Variants in PHACTR2 observed in about 807,000 individuals in gnomAD.
PHACTR2 encodes the protein chromosome 6 open reading frame 56.
Under a neutral mutation model 76.0 loss-of-function variants are expected in PHACTR2, and 30 were observed. That is an observed-to-expected ratio of 0.39 (90% CI 0.30 to 0.54). The LOEUF (loss-of-function observed/expected upper bound fraction) is 0.54, where lower values mean the gene tolerates loss of function less well. Among genes scored for constraint, PHACTR2 ranks in the 20% least tolerant of loss-of-function variants. The pLI is 0.61. For missense variants in PHACTR2, 696 were observed against 781.1 expected, an observed-to-expected ratio of 0.89 and a Z score of 1.30; for synonymous variants, 292 against 292.5, an observed-to-expected ratio of 1.00 and a Z score of 0.02.
chr6:143,714,002 T>C lies in PHACTR2; in HGVS notation c.214+1819T>C, dbSNP rs150779565. On this transcript the variant is annotated intron_variant, in intron 2 of 12. Transcript: ENST00000440869. ...TCATATCTAGAGGAAAACTGATATA[T>C]TCAGTTGGTGCAAAAGTAGTTGCGA... Among the ~76,000 whole-genome samples, 263 of 152,344 alleles carry C rather than the reference T, an allele frequency of 1.7e-3. 1 individual carries two copies. The highest frequency in any genetic ancestry group is 3.0e-3 in the Non-Finnish European group (202 of 68,032).
In PHACTR2 at chr6:143,790,775, G is replaced by A. The variant is rs149515695; in HGVS notation, c.1845+1865G>A. Among the ~76,000 whole-genome samples, 313 of 151,000 alleles carry A rather than the reference G, an allele frequency of 2.1e-3. 2 individuals are homozygous for A. The highest frequency in any genetic ancestry group is 7.3e-3 in the African/African-American group (301 of 41,112). On this transcript the variant is annotated intron_variant, in intron 11 of 12. Transcript: ENST00000440869. ...TGCAAGCTCCACCTCCTGTGTTCAC[G>A]CCATTCTCCTGCTTCAGCCTCCCGA...
intron 1 of PHACTR2, among the ~76,000 whole-genome samples, chr6:143,687,936 A>G (rs1777558791): frequency 6.6e-6 from 1 of 152,200 alleles, no homozygotes; most frequent in African/African-American, 2.4e-5. Flanking sequence ...GTAAGGTGTT[A>G]TGCTAAGCAA....
chr6:143,820,389 T>C lies in PHACTR2; in HGVS notation c.1923-3285T>C, dbSNP rs956456223. On this transcript the variant is annotated intron_variant, in intron 12 of 12. Coordinates refer to ENST00000440869, the MANE Select transcript of PHACTR2 (RefSeq NM_001100164.2). This position sits in a 1 kb window ranked among gnomAD's most constrained non-coding sequence, Gnocchi z 4.2. ...CCTGTAAAATAAAAAACAAGTAAGT[T>C]ATTTCCAAGATATGGTGGAGATCTA... Among the ~76,000 whole-genome samples, 2 of 152,164 alleles carry C rather than the reference T, an allele frequency of 1.3e-5. No homozygotes were observed. Among genetic ancestry groups the C allele is most frequent in the East Asian group, 3.8e-4 (2 of 5,198 alleles).
At position 143,777,412 on chromosome 6, in the gene PHACTR2, CT is replaced by C. The variant is rs1485568922; in HGVS notation, c.1645+31del. The C allele has an allele frequency of 8.0e-7, 1 of 1,247,036 alleles. No individual in the cohort carries two copies. The highest frequency in any genetic ancestry group is 2.4e-5 in the East Asian group (1 of 41,126). 77.2% of individuals were successfully genotyped at this position (1,247,036 alleles called of 1,614,324 possible). On this transcript the variant is annotated intron_variant, in intron 9 of 12. Transcript: ENST00000440869. The surrounding 1 kb of genome is among the most constrained non-coding windows in gnomAD (Gnocchi z 4.6). Reference sequence around the variant, plus strand: ...AGTATTCTATACTATAGAATGATTCCTTGTGTAATCGCTAACAAGCTGCCTC... The same window carrying C: ...AGTATTCTATACTATAGAATGATTCCTGTGTAATCGCTAACAAGCTGCCTC...
intron 1 of PHACTR2, among the ~76,000 whole-genome samples, chr6:143,586,323 T>C (rs1208469116): frequency 4.6e-5 from 7 of 152,272 alleles, no homozygotes; most frequent in African/African-American, 1.7e-4. Context: ...CAATGAAAGA[T>C]GATACCAACA....
In PHACTR2 at chr6:143,580,928, G is replaced by C. The variant is rs956682382; in HGVS notation, c.217+43721G>C. Among the ~76,000 whole-genome samples, 3 of 152,168 alleles carry C rather than the reference G, an allele frequency of 2.0e-5. No individual in the cohort carries two copies. The highest frequency in any genetic ancestry group is 2.0e-4 in the Admixed American group (3 of 15,272). On this transcript the variant is annotated intron_variant, in intron 1 of 11. Coordinates refer to the PHACTR2 transcript ENST00000367584. This position sits in a 1 kb window ranked among gnomAD's most constrained non-coding sequence, Gnocchi z 4.2. ...AGGGTGGGAGAGAGAGTGACACCAG[G>C]TGTTGAAATTACAGAAGGGACCATT...
chr6:143,694,923 T>C (rs1428376252), intron 1 of PHACTR2, among the ~76,000 whole-genome samples: 1 of 152,218 alleles, frequency 6.6e-6, no homozygotes, highest in Non-Finnish European at 1.5e-5. Flanking sequence ...ACTGCTTATC[T>C]TGTCAACGTG....
At chr6:143,586,903 A>G (rs1310816437) in intron 1 of PHACTR2, among the ~76,000 whole-genome samples, 8 of 152,126 alleles carry the variant, frequency 5.3e-5, no homozygotes, top group African/African-American at 1.9e-4. Flanking sequence ...CTACCTCATT[A>G]TGTTGTCCAA....
At chr6:143,645,537 C>G (rs563693185) in intron 1 of PHACTR2, among the ~76,000 whole-genome samples, 1 of 152,230 alleles carries the variant, frequency 6.6e-6, no homozygotes, top group South Asian at 2.1e-4. Context: ...CCAGCATTCC[C>G]AAGCTAAAAG....
chr6:143,745,717 C>A (rs1779045232), intron 2 of PHACTR2, among the ~76,000 whole-genome samples: 1 of 125,134 alleles, frequency 8.0e-6, no homozygotes, highest in African/African-American at 2.6e-5. Context: ...GCTCGGTCGC[C>A]TGCAGTTTGT....
chr6:143,794,101 A>T lies in PHACTR2; in HGVS notation c.1845+5191A>T, dbSNP rs1309361455. The stretch of plus-strand genomic sequence containing the variant: ...ACTTTAATGCACGGTACTTTTAATA[A>T]TTTCTAAAAATACCATTTACTACCT... On this transcript the variant is annotated intron_variant, in intron 11 of 12. Coordinates refer to ENST00000440869, the MANE Select transcript of PHACTR2 (RefSeq NM_001100164.2). This position sits in a 1 kb window ranked among gnomAD's most constrained non-coding sequence, Gnocchi z 4.1. Among the ~76,000 whole-genome samples, 1 of 151,894 alleles carries T rather than the reference A, an allele frequency of 6.6e-6. No individual in the cohort carries two copies. Among genetic ancestry groups the T allele is most frequent in the Non-Finnish European group, 1.5e-5 (1 of 67,968 alleles).
chr6:143,779,258 G>C (rs1224182737), intron 9 of PHACTR2, among the ~76,000 whole-genome samples: 1 of 151,762 alleles, frequency 6.6e-6, no homozygotes. Flanking sequence ...TCGTTTGTTT[G>C]TATGTTTCAT....
chr6:143,786,690 T>C (rs1775563790), intron 10 of PHACTR2, among the ~76,000 whole-genome samples: 1 of 152,224 alleles, frequency 6.6e-6, no homozygotes. Flanking sequence ...AAGGCATTTC[T>C]TACATTGTGG....
Position 143,663,907 on chromosome 6 carries a change from A to T in PHACTR2, c.14-48109A>T, listed in dbSNP as rs1176021281. The stretch of plus-strand genomic sequence containing the variant: ...AGTACAAGTCTCTACACGTTTGTGT[A>T]TTACATCAAGCTTGTCAATGGGATT... On this transcript the variant is annotated intron_variant, in intron 1 of 11. Coordinates refer to the PHACTR2 transcript ENST00000305766. This position sits in a 1 kb window ranked among gnomAD's most constrained non-coding sequence, Gnocchi z 4.1. Among the ~76,000 whole-genome samples, 2 of 152,168 alleles carry T rather than the reference A, an allele frequency of 1.3e-5. No homozygotes were observed. Among genetic ancestry groups the T allele is most frequent in the African/African-American group, 4.8e-5 (2 of 41,460 alleles).
chr6:143,766,496 A>T (rs1779566736), intron 6 of PHACTR2, among the ~76,000 whole-genome samples: 1 of 152,274 alleles, frequency 6.6e-6, no homozygotes. Flanking sequence ...AGATGGTTAT[A>T]GATAAAGTCA....
At chr6:143,565,653 G>C (rs1466589504) in intron 1 of PHACTR2, among the ~76,000 whole-genome samples, 1 of 151,998 alleles carries the variant, frequency 6.6e-6, no homozygotes, top group Non-Finnish European at 1.5e-5. Context: ...GCATGGAGCA[G>C]GGGCATTAGG....
chr6:143,594,348 A>G (rs1164741693), intron 1 of PHACTR2, among the ~76,000 whole-genome samples: 1 of 152,146 alleles, frequency 6.6e-6, no homozygotes, highest in African/African-American at 2.4e-5. Context: ...CCCCCACCAC[A>G]CTATGATGTC....
At position 143,546,861 on chromosome 6, in the gene PHACTR2, A is replaced by C. The variant is rs1440063945; in HGVS notation, c.217+9654A>C. 9.2e-5 allele frequency among the ~76,000 whole-genome samples: 2 copies of C among 21,724 alleles called. No homozygotes were observed. Among genetic ancestry groups the C allele is most frequent in the Non-Finnish European group, 2.6e-4 (2 of 7,784 alleles). 14.3% of individuals were successfully genotyped at this position (21,724 alleles called of 152,430 possible). On this transcript the variant is annotated intron_variant, in intron 1 of 11. Coordinates refer to the PHACTR2 transcript ENST00000367584. The surrounding 1 kb of genome is among the most constrained non-coding windows in gnomAD (Gnocchi z 4.9). ...GGCAACATAGTGAGACCCCATCTCA[A>C]AAAAAAAAAAAATAAAAAATAAAAA...
Position 143,597,811 on chromosome 6 carries a change from C to A in PHACTR2, c.217+60604C>A, listed in dbSNP as rs1386779367. 6.6e-6 allele frequency among the ~76,000 whole-genome samples: 1 copy of A among 152,202 alleles called. No homozygotes were observed. The highest frequency in any genetic ancestry group is 1.5e-5 in the Non-Finnish European group (1 of 68,040). Reference sequence around the variant, plus strand: ...CCTCCAGGTCCATTATATTGACATTCTTTTTTATAATTTCGCTACCATTTT... The same window carrying A: ...CCTCCAGGTCCATTATATTGACATTATTTTTTATAATTTCGCTACCATTTT... On this transcript the variant is annotated intron_variant, in intron 1 of 11. Coordinates refer to the PHACTR2 transcript ENST00000367584. This position sits in a 1 kb window ranked among gnomAD's most constrained non-coding sequence, Gnocchi z 5.7.
Sources: allele counts gnomAD v4.1 joint callset (sites outside exome capture counted in the v4.1 genomes callset), GRCh38; gene constraint gnomAD v4.1.1; non-coding constraint Gnocchi (gnomAD v3.1); transcripts MANE v1.5; gene names NCBI Gene and HGNC (gene_info 2026-07-23, HGNC 2026-07-21).